BICD1: variants seen among roughly 807,000 people sequenced by gnomAD.
BICD1 encodes protein bicaudal D homolog 1.
Under a neutral mutation model 92.5 loss-of-function variants are expected in BICD1, and 35 were observed. That is an observed-to-expected ratio of 0.38 (90% CI 0.29 to 0.50). The LOEUF (loss-of-function observed/expected upper bound fraction) is 0.50. Ranked by LOEUF, BICD1 falls within the 20% of genes least tolerant of loss-of-function variation. The pLI, the probability that BICD1 is intolerant of heterozygous loss-of-function variation, is 0.93. For synonymous variants in BICD1, 429 were observed against 465.1 expected, an observed-to-expected ratio of 0.92 and a Z score of 1.00; for missense variants, 950 against 1,189.8, an observed-to-expected ratio of 0.80 and a Z score of 2.97.
intron 2 of BICD1, among the ~76,000 whole-genome samples, chr12:32,231,364 T>G (rs984233815): frequency 6.6e-6 from 1 of 151,880 alleles, no homozygotes; most frequent in Non-Finnish European, 1.5e-5. Context: ...GTGCCTGTAG[T>G]CCCAGATACT....
At chr12:32,254,108 C>A (rs1946651708) in intron 2 of BICD1, among the ~76,000 whole-genome samples, 1 of 150,346 alleles carries the variant, frequency 6.7e-6, no homozygotes, top group Non-Finnish European at 1.5e-5. Context: ...ATATTCACTG[C>A]CATATCCCAC....
chr12:32,273,457 G>A (rs1592593546), intron 2 of BICD1, among the ~76,000 whole-genome samples: 1 of 152,184 alleles, frequency 6.6e-6, no homozygotes, highest in African/African-American at 2.4e-5. Flanking sequence ...CTCACTGGAT[G>A]TGCTCTGTGT....
chr12:32,220,690 T>A (rs1945490422), intron 2 of BICD1, among the ~76,000 whole-genome samples: 1 of 148,838 alleles, frequency 6.7e-6, no homozygotes, highest in African/African-American at 2.5e-5. Context: ...GTGTGGCGAT[T>A]CCTCAGGGAT....
At chr12:32,135,196 C>T (rs1386563943) in intron 1 of BICD1, among the ~76,000 whole-genome samples, 8 of 151,424 alleles carry the variant, frequency 5.3e-5, no homozygotes, top group African/African-American at 1.9e-4. Flanking sequence ...TCAAGCCATT[C>T]TCCTGCCTCA....
chr12:32,330,044 A>C (rs1375826193), intron 5 of BICD1, among the ~76,000 whole-genome samples: 2 of 152,102 alleles, frequency 1.3e-5, no homozygotes, highest in East Asian at 3.9e-4. Flanking sequence ...AATGAGGATT[A>C]ATTTCAGATT....
chr12:32,256,398 A>G (rs1232823221), intron 2 of BICD1, among the ~76,000 whole-genome samples: 1 of 152,106 alleles, frequency 6.6e-6, no homozygotes, highest in Non-Finnish European at 1.5e-5. Flanking sequence ...CCTCTGATAT[A>G]CATATGATTA....
In BICD1 at chr12:32,294,703, C is replaced by T. The variant is rs998426553; in HGVS notation, c.579+557C>T. Reference sequence around the variant, plus strand: ...GGTCTCCCTACAATCACTGGTCTCTCACTCCCTTAAAATTTTTTCTGTAAA... The same window carrying T: ...GGTCTCCCTACAATCACTGGTCTCTTACTCCCTTAAAATTTTTTCTGTAAA... On this transcript the variant is annotated intron_variant, in intron 3 of 9. Transcript: ENST00000652176. 5.3e-5 allele frequency among the ~76,000 whole-genome samples: 8 copies of T among 150,524 alleles called. No homozygotes were observed. In the South Asian group the frequency reaches 1.7e-3, roughly 32 times the overall value.
Position 32,328,942 on chromosome 12 carries a change from A to G in BICD1, c.2100+387A>G, listed in dbSNP as rs940610730. On this transcript the variant is annotated intron_variant, in intron 5 of 9. Coordinates refer to ENST00000652176, the MANE Select transcript of BICD1 (RefSeq NM_001714.4). The surrounding 1 kb of genome is among the most constrained non-coding windows in gnomAD (Gnocchi z 4.4). ...GTTACACCAACCAGGGCGATACAGC[A>G]AGAAAGACAAACACCCAGCAGGCAG... is the stretch of plus-strand genomic sequence containing the variant. 6.6e-6 allele frequency among the ~76,000 whole-genome samples: 1 copy of G among 152,172 alleles called. No individual in the cohort carries two copies. Among genetic ancestry groups the G allele is most frequent in the Non-Finnish European group, 1.5e-5 (1 of 68,020 alleles).
chr12:32,293,428 C>T lies in BICD1; in HGVS notation c.427-566C>T, dbSNP rs188755016. Among the ~76,000 whole-genome samples, 116 of 152,118 alleles carry T rather than the reference C, an allele frequency of 7.6e-4. 1 individual carries two copies. The East Asian group carries it at 0.02, about 26-fold the overall frequency. On this transcript the variant is annotated intron_variant, in intron 2 of 9. Coordinates refer to ENST00000652176, the MANE Select transcript of BICD1 (RefSeq NM_001714.4). ...CGCATCCCAGGTTCAAGTGACTCTC[C>T]TGCCTCAGCCTCCCAAGTAGCTAGG...
intron 2 of BICD1, among the ~76,000 whole-genome samples, chr12:32,282,251 C>A (rs1947436772): frequency 8.2e-6 from 1 of 121,552 alleles, no homozygotes; most frequent in Non-Finnish European, 1.6e-5. Context: ...CACAGGGTCT[C>A]ACTCTGTTGC....
intron 1 of BICD1, among the ~76,000 whole-genome samples, chr12:32,183,906 A>C (rs1944353313): frequency 6.6e-6 from 1 of 152,142 alleles, no homozygotes; most frequent in Non-Finnish European, 1.5e-5. Flanking sequence ...GCTAAGCAAG[A>C]ATGCTGTATA....
rs1036995715 is a variant in BICD1 at position 32,177,791 on chromosome 12, A to G, written c.214-38456A>G. The stretch of plus-strand genomic sequence containing the variant: ...ATATATTTAATATATAAATATTTAT[A>G]AAAATATAAATATTTATATAAAATA... On this transcript the variant is annotated intron_variant, in intron 1 of 9. Coordinates refer to ENST00000652176, the MANE Select transcript of BICD1 (RefSeq NM_001714.4). Among the ~76,000 whole-genome samples the G allele has an allele frequency of 8.5e-4, 58 of 68,300 alleles. 1 individual carries two copies. The highest frequency in any genetic ancestry group is 1.3e-3 in the Non-Finnish European group (39 of 30,976). The allele number at this position is 68,300 out of a possible 152,430, so 44.8% of individuals were successfully genotyped here.
intron 8 of BICD1, among the ~76,000 whole-genome samples, chr12:32,343,019 CA>C (rs1938439365): frequency 2.0e-5 from 3 of 152,216 alleles, no homozygotes; most frequent in African/African-American, 7.2e-5. Flanking sequence ...TCAGCCCTTA[CA>C]ATTGCAGTGC....
intron 2 of BICD1, among the ~76,000 whole-genome samples, chr12:32,273,340 G>T (rs1281618749): frequency 5.9e-5 from 9 of 152,158 alleles, no homozygotes; most frequent in Non-Finnish European, 8.8e-5. Context: ...GATTCCAAAG[G>T]GTATACTGGT....
intron 1 of BICD1, among the ~76,000 whole-genome samples, chr12:32,123,050 G>A (rs1341943887): frequency 6.6e-6 from 1 of 151,424 alleles, no homozygotes; most frequent in Non-Finnish European, 1.5e-5. Context: ...TGTGGGGGAA[G>A]AGAGATGATA....
At chr12:32,314,047 T>C (rs1948441216) in intron 4 of BICD1, among the ~76,000 whole-genome samples, 1 of 152,232 alleles carries the variant, frequency 6.6e-6, no homozygotes, top group Non-Finnish European at 1.5e-5. Flanking sequence ...CTGGCTTCTT[T>C]CACTTAGCAT....
chr12:32,181,438 T>G (rs1944271244), intron 1 of BICD1, among the ~76,000 whole-genome samples: 1 of 151,782 alleles, frequency 6.6e-6, no homozygotes, highest in Non-Finnish European at 1.5e-5. Flanking sequence ...AAAAATTTAC[T>G]TTTTATTATA....
intron 1 of BICD1, among the ~76,000 whole-genome samples, chr12:32,141,559 C>T (rs1215147239): frequency 2.0e-5 from 3 of 152,100 alleles, no homozygotes; most frequent in Admixed American, 2.0e-4. Context: ...CTGCACCCTC[C>T]ACCTCCTGGG....
At chr12:32,171,762 G>A (rs959662222) in intron 1 of BICD1, among the ~76,000 whole-genome samples, 3 of 151,920 alleles carry the variant, frequency 2.0e-5, no homozygotes, top group South Asian at 2.1e-4. Flanking sequence ...GGTGAAGCCC[G>A]GTCTCTACTA....
Sources: gnomAD v4.1 joint callset for allele counts (sites outside exome capture counted in the v4.1 genomes callset) on GRCh38, gnomAD v4.1.1 for gene constraint, Gnocchi (gnomAD v3.1) non-coding constraint, MANE v1.5 for transcripts, NCBI Gene and HGNC (gene_info 2026-07-23, HGNC 2026-07-21) for gene names.